HACD4: variants seen among roughly 807,000 people sequenced by gnomAD.
HACD4 encodes the protein very-long-chain (3R)-3-hydroxyacyl-CoA dehydratase 4.
A neutral mutation model predicts 33.3 loss-of-function variants in HACD4; 35 were observed. The ratio of observed to expected loss-of-function variants is 1.05; its 90% CI spans 0.80 to 1.39. The LOEUF is 1.39. Ranked by LOEUF, HACD4 falls within the 40% of genes most tolerant of loss-of-function variation. The pLI is 0.00. For missense variants in HACD4, 323 were observed against 276.5 expected, an observed-to-expected ratio of 1.17 and a Z score of -1.19; for synonymous variants, 118 against 98.0, an observed-to-expected ratio of 1.20 and a Z score of -1.21.
chr9:21,024,810 C>A (rs1322179344), intron 3 of HACD4, among the ~76,000 whole-genome samples: 3 of 152,118 alleles, frequency 2.0e-5, no homozygotes, highest in Non-Finnish European at 2.9e-5. Flanking sequence ...GTAAAAAGGC[C>A]TTTAAAAAAT....
At chr9:21,021,758 T>C (rs1021027490) in intron 3 of HACD4, among the ~76,000 whole-genome samples, 105 of 152,320 alleles carry the variant, frequency 6.9e-4, no homozygotes, top group African/African-American at 2.5e-3. Context: ...GAACATTCCA[T>C]GCTCATGGGT....
chr9:21,014,942 A>G (rs1034054451), intron 4 of HACD4, among the ~76,000 whole-genome samples: 4 of 152,200 alleles, frequency 2.6e-5, no homozygotes, highest in Non-Finnish European at 5.9e-5. Flanking sequence ...CAAGAGTAAC[A>G]TACTAGAAAG....
At position 21,029,338 on chromosome 9, in the gene HACD4, C is replaced by T. The variant is rs1400101193; in HGVS notation, c.99G>A (p.Trp33Ter). The T allele has an allele frequency of 6.2e-7, 1 of 1,601,656 alleles. No individual in the cohort carries two copies. Among genetic ancestry groups the T allele is most frequent in the East Asian group, 2.2e-5 (1 of 44,718 alleles). ...ATCTGACTGTCATATTTGTAAATAT[C>T]CAAGAGTGGCCACAGAACTGGATTA... ...YYLIQFCGHS[W>*]IFTNMTVRFF... Residue 33 changes from tryptophan to a stop codon, truncating the protein, a stop_gained, in exon 2 of 7, where the codon TGG becomes TGA. Coordinates refer to ENST00000495827, the MANE Select transcript of HACD4 (RefSeq NM_001010915.5). LOFTEE classifies it high-confidence loss of function.
At chr9:21,023,354 A>G (rs1208277410) in intron 3 of HACD4, among the ~76,000 whole-genome samples, 3 of 152,166 alleles carry the variant, frequency 2.0e-5, no homozygotes, top group African/African-American at 7.2e-5. Context: ...GTACCCTAGA[A>G]CTTAAAGTAT....
At chr9:21,013,774 C>G (rs553090829) in intron 4 of HACD4, among the ~76,000 whole-genome samples, 1 of 151,878 alleles carries the variant, frequency 6.6e-6, no homozygotes, top group Non-Finnish European at 1.5e-5. Context: ...GAATTGTATT[C>G]TTGATTTCAT....
intron 4 of HACD4, among the ~76,000 whole-genome samples, chr9:21,012,999 G>A (rs117074201): frequency 0.024 from 3,708 of 151,516 alleles, 96 homozygotes; most frequent in Non-Finnish European, 0.036. Context: ...TCCAGGAGGC[G>A]GAGGTTGTGG....
chr9:21,027,792 C>G (rs575363174), intron 2 of HACD4, among the ~76,000 whole-genome samples: 2 of 152,210 alleles, frequency 1.3e-5, no homozygotes, highest in Non-Finnish European at 2.9e-5. Flanking sequence ...GGTTGTGTTT[C>G]TTTAATAATA....
intron 4 of HACD4, among the ~76,000 whole-genome samples, chr9:21,012,923 C>T (rs550635676): frequency 2.0e-5 from 3 of 151,944 alleles, no homozygotes; most frequent in African/African-American, 4.8e-5. Flanking sequence ...AAAAATTAGC[C>T]GGGCGTGGTG....
chr9:21,009,482 A>G (rs1213449435), intron 5 of HACD4, among the ~76,000 whole-genome samples: 2 of 152,186 alleles, frequency 1.3e-5, no homozygotes, highest in Non-Finnish European at 2.9e-5. Flanking sequence ...TCCACCCCTT[A>G]TTCCTAGGAA....
chr9:21,014,702 G>A (rs1204542895), intron 4 of HACD4, among the ~76,000 whole-genome samples: 1 of 152,078 alleles, frequency 6.6e-6, no homozygotes, highest in East Asian at 1.9e-4. Flanking sequence ...GAATTTTATG[G>A]TATATAAATT....
At chr9:21,025,601 C>A (rs1304587148) in intron 3 of HACD4, among the ~76,000 whole-genome samples, 2 of 152,094 alleles carry the variant, frequency 1.3e-5, no homozygotes, top group African/African-American at 2.4e-5. Context: ...CCTTTACTGT[C>A]CCATAAGAAA....
In HACD4 at chr9:21,006,999, A is replaced by C. The variant is rs762859412; in HGVS notation, c.*38T>G. ...GTTTTATTTACTGCACTGAATCCAC[A>C]GCCTGTCTTTTCTCGTGTCACACTG... On this transcript the variant is annotated 3_prime_UTR_variant, in exon 7 of 7. Coordinates refer to ENST00000495827, the MANE Select transcript of HACD4 (RefSeq NM_001010915.5). This position sits in a 1 kb window ranked among gnomAD's most constrained non-coding sequence, Gnocchi z 4.6. The C allele has an allele frequency of 8.8e-7, 1 of 1,130,768 alleles. No homozygotes were observed. The highest frequency in any genetic ancestry group is 1.2e-5 in the South Asian group (1 of 81,386). The allele number at this position is 1,130,768 out of a possible 1,614,324, so 70.0% of individuals were successfully genotyped here.
intron 3 of HACD4, among the ~76,000 whole-genome samples, chr9:21,021,490 A>C (rs1420204824): frequency 6.6e-6 from 1 of 152,234 alleles, no homozygotes; most frequent in Non-Finnish European, 1.5e-5. Context: ...CCATCGTCTC[A>C]GCCCAAAATC....
rs1223440464 is a variant in HACD4 at position 21,004,145 on chromosome 9, T to G, written c.*2892A>C. The G allele has an allele frequency of 6.6e-6, 1 of 152,312 alleles. No homozygotes were observed. The highest frequency in any genetic ancestry group is 1.5e-5 in the Non-Finnish European group (1 of 68,120). The allele number at this position is 152,312 out of a possible 1,614,324, so 9.4% of individuals were successfully genotyped here. On this transcript the variant is annotated 3_prime_UTR_variant, in exon 7 of 7. Transcript: ENST00000495827. The surrounding 1 kb of genome is among the most constrained non-coding windows in gnomAD (Gnocchi z 4.6). ...CCCCAGCCTCCCGTGTAGCTGGGATTACAGGCATGCGCCACCATGCCTGGC... is the reference window on the plus strand; with the variant it reads ...CCCCAGCCTCCCGTGTAGCTGGGATGACAGGCATGCGCCACCATGCCTGGC...
chr9:20,999,964 C>T lies in HACD4; in HGVS notation c.*7073G>A, dbSNP rs1842142038. Reference sequence around the variant, plus strand: ...AATTTACCATATGTCATTTAGTCTTCATAATAACTTTAAGTGGTTAAGGAA... The same window carrying T: ...AATTTACCATATGTCATTTAGTCTTTATAATAACTTTAAGTGGTTAAGGAA... On this transcript the variant is annotated 3_prime_UTR_variant, in exon 7 of 7. Coordinates refer to ENST00000495827, the MANE Select transcript of HACD4 (RefSeq NM_001010915.5). 1 of 152,134 alleles carries T rather than the reference C, an allele frequency of 6.6e-6. No individual in the cohort carries two copies. Among genetic ancestry groups the T allele is most frequent in the Admixed American group, 6.6e-5 (1 of 15,258 alleles). 9.4% of individuals were successfully genotyped at this position (152,134 alleles called of 1,614,324 possible).
At chr9:21,022,854 C>T (rs1817957393) in intron 3 of HACD4, among the ~76,000 whole-genome samples, 1 of 151,786 alleles carries the variant, frequency 6.6e-6, no homozygotes, top group Admixed American at 6.6e-5. Context: ...TTGACCCAGC[C>T]ATCCCATTAC....
At chr9:21,012,663 A>G (rs900198192) in intron 4 of HACD4, among the ~76,000 whole-genome samples, 1 of 152,270 alleles carries the variant, frequency 6.6e-6, no homozygotes, top group Non-Finnish European at 1.5e-5. Flanking sequence ...CTCACTGAAC[A>G]TAGCATATAA....
rs1034583189 is a variant in HACD4, at chr9:20,999,595, T to C, written c.*7442A>G. ...TAGAAGTAGCATGTTAAGATACTTA[T>C]ATAAGTTGAAAGAAAAAAACAAAAC... On this transcript the variant is annotated 3_prime_UTR_variant, in exon 7 of 7. Coordinates refer to ENST00000495827, the MANE Select transcript of HACD4 (RefSeq NM_001010915.5). 5.0e-5 allele frequency: 7 copies of C among 139,862 alleles called. No individual in the cohort carries two copies. Among genetic ancestry groups the C allele is most frequent in the Admixed American group, 1.5e-4 (2 of 13,344 alleles). The allele number at this position is 139,862 out of a possible 1,614,324, so 8.7% of individuals were successfully genotyped here. A position where few individuals can be genotyped will look rare whatever the true frequency, so the allele number is the denominator to read the frequency against.
chr9:21,023,016 C>T (rs1817962827), intron 3 of HACD4, among the ~76,000 whole-genome samples: 1 of 152,142 alleles, frequency 6.6e-6, no homozygotes, highest in Admixed American at 6.5e-5. Flanking sequence ...GGCACATATA[C>T]ACCACCGAAT....
Sources: gnomAD v4.1 joint callset for allele counts (sites outside exome capture counted in the v4.1 genomes callset) on GRCh38, gnomAD v4.1.1 for gene constraint, Gnocchi (gnomAD v3.1) non-coding constraint, MANE v1.5 for transcripts, NCBI Gene and HGNC (gene_info 2026-07-23, HGNC 2026-07-21) for gene names.